The following DCLK1 variants were observed in gnomAD, a reference collection of about 807,000 sequenced individuals.
DCLK1 encodes the protein serine/threonine-protein kinase DCLK1.
A neutral mutation model predicts 86.2 loss-of-function variants in DCLK1; 16 were observed. The observed-to-expected ratio is 0.19, with a 90% confidence interval of 0.13 to 0.28. The LOEUF (loss-of-function observed/expected upper bound fraction) is 0.28. DCLK1 is among the 10% of genes least tolerant of loss of function. The probability of loss-of-function intolerance (pLI) is 1.00; values close to 1 mark genes in which losing one functional copy is unlikely to be tolerated. For synonymous variants in DCLK1, 369 were observed against 370.5 expected, an observed-to-expected ratio of 1.00 and a Z score of 0.05; for missense variants, 590 against 940.2, an observed-to-expected ratio of 0.63 and a Z score of 4.87.
intron 3 of DCLK1, among the ~76,000 whole-genome samples, chr13:35,990,226 C>T (rs1038093247): frequency 2.6e-5 from 4 of 152,086 alleles, no homozygotes; most frequent in Non-Finnish European, 5.9e-5. Context: ...ATACTAAATA[C>T]CAAAATACAA....
chr13:35,807,190 T>C (rs566275203), intron 14 of DCLK1, among the ~76,000 whole-genome samples: 1 of 152,318 alleles, frequency 6.6e-6, no homozygotes, highest in Admixed American at 6.5e-5. Context: ...TTTATAGCCT[T>C]CTTAGAAGTT....
intron 4 of DCLK1, among the ~76,000 whole-genome samples, chr13:35,909,456 C>T (rs1226763171): frequency 6.6e-6 from 1 of 152,146 alleles, no homozygotes; most frequent in East Asian, 1.9e-4. Context: ...CTTTGCCTCT[C>T]TAAGACTTCC....
At chr13:35,853,535 AG>A (rs1870813093) in intron 6 of DCLK1, among the ~76,000 whole-genome samples, 1 of 152,238 alleles carries the variant, frequency 6.6e-6, no homozygotes, top group South Asian at 2.1e-4. Context: ...CAACCTGTGC[AG>A]AAATCTTGAA....
chr13:35,856,513 T>C (rs768650057), intron 5 of DCLK1, among the ~76,000 whole-genome samples: 3 of 152,094 alleles, frequency 2.0e-5, no homozygotes, highest in Non-Finnish European at 4.4e-5. Flanking sequence ...AATGAGCAAA[T>C]AGGGAAGCAA....
intron 2 of DCLK1, among the ~76,000 whole-genome samples, chr13:36,120,916 T>C (rs1885965934): frequency 6.6e-6 from 1 of 152,138 alleles, no homozygotes; most frequent in Non-Finnish European, 1.5e-5. Flanking sequence ...GTGGTTGGAG[T>C]GTAAACTGAA....
chr13:35,957,637 G>C (rs1878067553), intron 3 of DCLK1, among the ~76,000 whole-genome samples: 1 of 152,116 alleles, frequency 6.6e-6, no homozygotes. Context: ...TTGTGCACTG[G>C]CTTGCTGCCT....
intron 3 of DCLK1, among the ~76,000 whole-genome samples, chr13:36,102,452 G>T (rs9315386): frequency 0.11 from 16,627 of 152,148 alleles, 1,440 homozygotes; most frequent in South Asian, 0.29. Context: ...GAGGGTAGTC[G>T]TGAATACAGA....
chr13:35,894,531 T>A (rs1368235094), intron 4 of DCLK1, among the ~76,000 whole-genome samples: 1 of 128,352 alleles, frequency 7.8e-6, no homozygotes, highest in Non-Finnish European at 1.6e-5. Flanking sequence ...CACAATCTTA[T>A]CTTTGAGCAG....
At chr13:36,017,312 G>T (rs1331027907) in intron 3 of DCLK1, among the ~76,000 whole-genome samples, 2 of 152,048 alleles carry the variant, frequency 1.3e-5, no homozygotes, top group Non-Finnish European at 2.9e-5. Context: ...AAACTCCAAG[G>T]CTAGACACAG....
chr13:35,958,615 AC>A (rs1452623421), intron 3 of DCLK1, among the ~76,000 whole-genome samples: 5 of 152,254 alleles, frequency 3.3e-5, no homozygotes, highest in Admixed American at 3.3e-4. Context: ...GGGAGCCCTT[AC>A]AAAACTTTGG....
intron 11 of DCLK1, among the ~76,000 whole-genome samples, chr13:35,811,437 G>A (rs1480770912): frequency 6.6e-6 from 1 of 152,090 alleles, no homozygotes; most frequent in Non-Finnish European, 1.5e-5. Flanking sequence ...ATCTGTCTTT[G>A]ATGTTGTCTA....
rs966321433 is a variant in DCLK1 at position 36,082,949 on chromosome 13, G to A, written c.723+28920C>T. Among the ~76,000 whole-genome samples the A allele has an allele frequency of 3.9e-5, 6 of 152,246 alleles. No homozygotes were observed. The East Asian group carries it at 1.2e-3, about 29-fold the overall frequency. On this transcript the variant is annotated intron_variant, in intron 3 of 16. Coordinates refer to ENST00000360631, the MANE Select transcript of DCLK1 (RefSeq NM_001330071.2). ...GCCTCAGAAACCCAGCTCCTGGTGAGTCAAAGTTATGGTTACAGGGAATGG... is the reference window on the plus strand; with the variant it reads ...GCCTCAGAAACCCAGCTCCTGGTGAATCAAAGTTATGGTTACAGGGAATGG...
chr13:35,914,375 A>ATG (rs1566600374), intron 4 of DCLK1, among the ~76,000 whole-genome samples: 117 of 84,778 alleles, frequency 1.4e-3, no homozygotes, highest in South Asian at 5.4e-3. Context: ...ATATGTATAT[A>ATG]TATATATATA....
rs1875599887 is a variant in DCLK1, at chr13:35,918,890, G to GTGTTTTTTTTTTTTT, written c.823+28453_823+28467dup. On this transcript the variant is annotated intron_variant, in intron 4 of 16. Transcript: ENST00000360631. ...CCAAAAAGAAATCTTCCTTCTGAGTGTGTTTTTTTTTTTTTTTTTGGAAAC... is the reference window on the plus strand; with the variant it reads ...CCAAAAAGAAATCTTCCTTCTGAGTGTGTTTTTTTTTTTTTTGTTTTTTTTTTTTTTTTTGGAAAC... Among the ~76,000 whole-genome samples the GTGTTTTTTTTTTTTT allele has an allele frequency of 1.4e-4, 2 of 14,228 alleles. 1 individual carries two copies. Among genetic ancestry groups the GTGTTTTTTTTTTTTT allele is most frequent in the Non-Finnish European group, 4.2e-4 (2 of 4,814 alleles). 9.3% of individuals were successfully genotyped at this position (14,228 alleles called of 152,430 possible).
At chr13:36,029,744 G>C (rs1417626120) in intron 3 of DCLK1, among the ~76,000 whole-genome samples, 1 of 152,004 alleles carries the variant, frequency 6.6e-6, no homozygotes, top group African/African-American at 2.4e-5. Context: ...AGAAACCAAT[G>C]GAAAAACAAG....
At chr13:36,013,494 G>A (rs1881381433) in intron 3 of DCLK1, among the ~76,000 whole-genome samples, 1 of 152,304 alleles carries the variant, frequency 6.6e-6, no homozygotes, top group South Asian at 2.1e-4. Context: ...GCTGTGTGAG[G>A]TGTCAGTGTG....
intron 4 of DCLK1, among the ~76,000 whole-genome samples, chr13:35,911,878 A>G (rs953799188): frequency 1.1e-4 from 16 of 152,112 alleles, no homozygotes; most frequent in African/African-American, 3.6e-4. Context: ...TTGTTTAGAG[A>G]GCAGGGTGTC....
intron 4 of DCLK1, among the ~76,000 whole-genome samples, chr13:35,938,200 G>A (rs1270865650): frequency 1.3e-5 from 2 of 152,180 alleles, no homozygotes; most frequent in Admixed American, 1.3e-4. Context: ...GAGTGACTTT[G>A]ACCATAGGGA....
intron 3 of DCLK1, among the ~76,000 whole-genome samples, chr13:35,959,881 G>C (rs1311507202): frequency 6.6e-6 from 1 of 151,334 alleles, no homozygotes; most frequent in Non-Finnish European, 1.5e-5. Flanking sequence ...GTGTGTGTGT[G>C]TGTGTGTGTG....
Sources: gnomAD v4.1 joint callset for allele counts (sites outside exome capture counted in the v4.1 genomes callset) on GRCh38, gnomAD v4.1.1 for gene constraint, MANE v1.5 for transcripts, NCBI Gene and HGNC (gene_info 2026-07-23, HGNC 2026-07-21) for gene names.